GRK5: variants seen among roughly 807,000 people sequenced by gnomAD.
GRK5 encodes the protein g protein-coupled receptor kinase GRK5.
Under a neutral mutation model 78.4 loss-of-function variants are expected in GRK5, and 40 were observed. The ratio of observed to expected loss-of-function variants is 0.51; its 90% CI spans 0.40 to 0.66. The LOEUF (loss-of-function observed/expected upper bound fraction) is 0.66, where lower values mean the gene tolerates loss of function less well. GRK5 is among the 30% of genes least tolerant of loss of function. GRK5 has a pLI of 0.00. For synonymous variants in GRK5, 289 were observed against 296.8 expected, an observed-to-expected ratio of 0.97 and a Z score of 0.27; for missense variants, 598 against 759.9, an observed-to-expected ratio of 0.79 and a Z score of 2.50.
chr10:119,255,382 G>A (rs549725536), intron 1 of GRK5, among the ~76,000 whole-genome samples: 2 of 151,842 alleles, frequency 1.3e-5, no homozygotes, highest in South Asian at 4.2e-4. Context: ...CCCCTTCCAG[G>A]AAGCTTTGTC....
chr10:119,241,077 C>T (rs901719593), intron 1 of GRK5, among the ~76,000 whole-genome samples: 9 of 152,248 alleles, frequency 5.9e-5, no homozygotes, highest in African/African-American at 1.7e-4. Context: ...GGGTGGAGAT[C>T]GGAGACTGGA....
Position 119,207,838 on chromosome 10 carries a change from GAGCAGCGGCAGC to G in GRK5, c.-66_-55del, listed in dbSNP as rs1034448133. On this transcript the variant is annotated 5_prime_UTR_variant, in exon 1 of 16. Transcript: ENST00000392870. ...GCTCCGGCAGCAGCGGCGGCAGCCC[GAGCAGCGGCAGC>G]AGCAGCGGCAGCACCCCAGGCGCTG... The G allele has an allele frequency of 2.8e-5, 39 of 1,380,984 alleles. No individual in the cohort carries two copies. Among genetic ancestry groups the G allele is most frequent in the East Asian group, 1.9e-4 (7 of 36,686 alleles). The allele number at this position is 1,380,984 out of a possible 1,614,324, so 85.5% of individuals were successfully genotyped here.
chr10:119,431,341 G>T lies in GRK5; in HGVS notation c.598-46G>T. On this transcript the variant is annotated intron_variant, in intron 7 of 15. Transcript: ENST00000392870. This position sits in a 1 kb window ranked among gnomAD's most constrained non-coding sequence, Gnocchi z 4.8. ...CCCGCCCTGGAGGAGCTCGGGGCAG[G>T]CCTCCACGGTGCTCCTGCCACCCTG... 6.3e-7 allele frequency: 1 copy of T among 1,587,790 alleles called. No individual in the cohort carries two copies. Among genetic ancestry groups the T allele is most frequent in the Non-Finnish European group, 8.6e-7 (1 of 1,167,076 alleles).
Position 119,291,216 on chromosome 10 carries a change from C to T in GRK5, c.53-35300C>T, listed in dbSNP as rs1463370498. 3.3e-5 allele frequency among the ~76,000 whole-genome samples: 5 copies of T among 152,260 alleles called. No individual in the cohort carries two copies. In the East Asian group the frequency reaches 9.7e-4, roughly 29 times the overall value. On this transcript the variant is annotated intron_variant, in intron 1 of 15. Coordinates refer to ENST00000392870, the MANE Select transcript of GRK5 (RefSeq NM_005308.3). ...GTTTCGTGTAGACTGATCCCTTCTACTTTCTGAAAGCTGCCATTGGAGGTG... is the reference window on the plus strand; with the variant it reads ...GTTTCGTGTAGACTGATCCCTTCTATTTTCTGAAAGCTGCCATTGGAGGTG...
intron 1 of GRK5, among the ~76,000 whole-genome samples, chr10:119,224,461 T>C (rs148283297): frequency 3.4e-4 from 52 of 152,182 alleles, no homozygotes; most frequent in African/African-American, 1.2e-3. Flanking sequence ...CAGGCTGGAG[T>C]GCAATGGCAC....
At chr10:119,388,496 C>A (rs183854469) in intron 3 of GRK5, among the ~76,000 whole-genome samples, 1 of 152,222 alleles carries the variant, frequency 6.6e-6, no homozygotes, top group Non-Finnish European at 1.5e-5. Context: ...GCCACTATGC[C>A]CAGCTAATTT....
intron 15 of GRK5, among the ~76,000 whole-genome samples, chr10:119,453,520 A>G (rs1340158425): frequency 2.6e-5 from 4 of 152,142 alleles, no homozygotes; most frequent in African/African-American, 9.7e-5. Context: ...CCGCCTTGAC[A>G]CTGTTGGCGC....
At chr10:119,446,902 A>C (rs1385869488) in intron 12 of GRK5, among the ~76,000 whole-genome samples, 1 of 152,228 alleles carries the variant, frequency 6.6e-6, no homozygotes, top group Non-Finnish European at 1.5e-5. Context: ...GGAAGTGTAC[A>C]TGGGATGAAT....
intron 1 of GRK5, among the ~76,000 whole-genome samples, chr10:119,236,414 CTG>C (rs1244757927): frequency 6.6e-6 from 1 of 152,062 alleles, no homozygotes; most frequent in Non-Finnish European, 1.5e-5. Flanking sequence ...TGGGGTTTCA[CTG>C]TGTTAGCCAG....
intron 1 of GRK5, among the ~76,000 whole-genome samples, chr10:119,295,365 G>A (rs1265523961): frequency 6.6e-6 from 1 of 152,078 alleles, no homozygotes; most frequent in Admixed American, 6.5e-5. Context: ...AGGCATTGCT[G>A]GTGGGAATGT....
chr10:119,366,967 A>G (rs149924888), intron 2 of GRK5, among the ~76,000 whole-genome samples: 4 of 152,318 alleles, frequency 2.6e-5, no homozygotes, highest in African/African-American at 4.8e-5. Flanking sequence ...TTAGGCATCT[A>G]AAATGTGGGC....
chr10:119,224,164 T>A (rs1848698889), intron 1 of GRK5, among the ~76,000 whole-genome samples: 1 of 151,946 alleles, frequency 6.6e-6, no homozygotes, highest in Non-Finnish European at 1.5e-5. Context: ...TGAGACCCTG[T>A]CTCTTAAAAA....
At chr10:119,247,347 T>G in intron 1 of GRK5, among the ~76,000 whole-genome samples, 1 of 152,228 alleles carries the variant, frequency 6.6e-6, no homozygotes, top group Non-Finnish European at 1.5e-5. Flanking sequence ...AAATTGGCAC[T>G]GAGGGAAATC....
intron 1 of GRK5, among the ~76,000 whole-genome samples, chr10:119,231,589 C>T (rs1297700789): frequency 6.6e-6 from 1 of 151,692 alleles, no homozygotes; most frequent in East Asian, 1.9e-4. Context: ...TGCCTGTAAT[C>T]CCAGCTACTT....
At chr10:119,248,811 T>G (rs1376059407) in intron 1 of GRK5, among the ~76,000 whole-genome samples, 2 of 152,220 alleles carry the variant, frequency 1.3e-5, no homozygotes, top group Non-Finnish European at 2.9e-5. Flanking sequence ...TTTGTGGATC[T>G]ATTATCTAGG....
intron 1 of GRK5, among the ~76,000 whole-genome samples, chr10:119,300,136 GC>G (rs1420370000): frequency 2.0e-5 from 3 of 152,166 alleles, no homozygotes; most frequent in African/African-American, 7.2e-5. Flanking sequence ...AAAGAAAAAT[GC>G]GCTGCTGAGT....
intron 1 of GRK5, among the ~76,000 whole-genome samples, chr10:119,256,673 G>A (rs1849292150): frequency 6.7e-6 from 1 of 150,140 alleles, no homozygotes; most frequent in African/African-American, 2.5e-5. Flanking sequence ...CTGAGGTCGT[G>A]ACTGTGTCTC....
At chr10:119,239,127 A>G (rs1848978771) in intron 1 of GRK5, among the ~76,000 whole-genome samples, 1 of 152,142 alleles carries the variant, frequency 6.6e-6, no homozygotes, top group Non-Finnish European at 1.5e-5. Context: ...AATAAATGAA[A>G]TAAATAAAAG....
intron 4 of GRK5, among the ~76,000 whole-genome samples, chr10:119,408,691 C>T (rs975219404): frequency 7.9e-5 from 12 of 151,966 alleles, no homozygotes; most frequent in African/African-American, 2.2e-4. Flanking sequence ...CCAGGGGGCA[C>T]GTGGGAGGGA....
Sources: gnomAD v4.1 joint callset for allele counts (sites outside exome capture counted in the v4.1 genomes callset) on GRCh38, gnomAD v4.1.1 for gene constraint, Gnocchi (gnomAD v3.1) non-coding constraint, MANE v1.5 for transcripts, NCBI Gene and HGNC (gene_info 2026-07-23, HGNC 2026-07-21) for gene names.